SLC35F1: variants seen among roughly 807,000 people sequenced by gnomAD.
The protein encoded by SLC35F1 is chromosome 6 open reading frame 169.
SLC35F1 carries 14 observed loss-of-function variants against 48.7 expected under a neutral mutation model. The observed-to-expected ratio is 0.29, with a 90% CI of 0.19 to 0.45. The LOEUF (loss-of-function observed/expected upper bound fraction) is 0.45. SLC35F1 is among the 20% of genes least tolerant of loss of function. The pLI is 1.00. For missense variants in SLC35F1, 404 were observed against 500.0 expected (o/e 0.81, Z 1.83); for synonymous variants, 190 against 202.2 (o/e 0.94, Z 0.51).
intron 1 of SLC35F1, among the ~76,000 whole-genome samples, chr6:118,032,608 C>T (rs1772070336): frequency 6.6e-6 from 1 of 152,136 alleles, no homozygotes; most frequent in African/African-American, 2.4e-5. Context: ...TATGCTGTTT[C>T]TCTTCCAACT....
At chr6:117,995,518 G>A (rs986146474) in intron 1 of SLC35F1, among the ~76,000 whole-genome samples, 27 of 152,062 alleles carry the variant, frequency 1.8e-4, no homozygotes, top group African/African-American at 5.3e-4. Flanking sequence ...CGAGGCGGGC[G>A]GATCATGAGG....
At chr6:118,278,926 A>G (rs1178626087) in intron 6 of SLC35F1, among the ~76,000 whole-genome samples, 1 of 152,244 alleles carries the variant, frequency 6.6e-6, no homozygotes, top group East Asian at 1.9e-4. Context: ...ATTCAGTGTT[A>G]GTTAAATGAG....
chr6:117,935,340 A>G (rs1413518582), intron 1 of SLC35F1, among the ~76,000 whole-genome samples: 1 of 152,214 alleles, frequency 6.6e-6, no homozygotes, highest in African/African-American at 2.4e-5. Flanking sequence ...TAAGTAAGCA[A>G]ATACTGAATT....
intron 2 of SLC35F1, among the ~76,000 whole-genome samples, chr6:118,156,475 G>C (rs1221155012): frequency 2.0e-5 from 3 of 152,022 alleles, no homozygotes; most frequent in Non-Finnish European, 2.9e-5. Context: ...ATTGAACAAT[G>C]AGATCACTTG....
At chr6:118,220,048 T>C (rs1775126608) in intron 2 of SLC35F1, among the ~76,000 whole-genome samples, 1 of 151,944 alleles carries the variant, frequency 6.6e-6, no homozygotes, top group Non-Finnish European at 1.5e-5. Flanking sequence ...GGGATAGCAA[T>C]AGGAGATATA....
At chr6:118,288,506 A>G (rs1381121463) in intron 7 of SLC35F1, among the ~76,000 whole-genome samples, 1 of 152,220 alleles carries the variant, frequency 6.6e-6, no homozygotes, top group Non-Finnish European at 1.5e-5. Flanking sequence ...TGAAAGAGTT[A>G]TTATCAATAG....
chr6:118,065,025 G>A (rs4492221), intron 1 of SLC35F1, among the ~76,000 whole-genome samples: 46,236 of 152,010 alleles, frequency 0.3, 7,526 homozygotes, highest in East Asian at 0.47. Flanking sequence ...ATAGATACCT[G>A]AATTAATTGG....
chr6:117,972,088 CT>C (rs776098438), intron 1 of SLC35F1, among the ~76,000 whole-genome samples: 2 of 152,184 alleles, frequency 1.3e-5, no homozygotes, highest in African/African-American at 2.4e-5. Flanking sequence ...GAATACTTTG[CT>C]GCTTAGAAAT....
intron 1 of SLC35F1, among the ~76,000 whole-genome samples, chr6:117,982,652 C>G (rs780403225): frequency 1.3e-5 from 2 of 152,148 alleles, no homozygotes; most frequent in Non-Finnish European, 2.9e-5. Context: ...AGACTCCACT[C>G]TGCTTGGAAA....
At chr6:118,200,330 G>A (rs1386175123) in intron 2 of SLC35F1, among the ~76,000 whole-genome samples, 1 of 152,088 alleles carries the variant, frequency 6.6e-6, no homozygotes, top group East Asian at 1.9e-4. Flanking sequence ...TGGACAACTG[G>A]GGATTTACAG....
intron 1 of SLC35F1, among the ~76,000 whole-genome samples, chr6:118,100,526 T>C (rs1773241598): frequency 6.6e-6 from 1 of 152,152 alleles, no homozygotes; most frequent in Non-Finnish European, 1.5e-5. Context: ...AGTTTTATTA[T>C]AGCAAAAGTA....
rs1185174000 is a variant in SLC35F1, at chr6:118,233,779, T to A, written c.350-1730T>A. Among the ~76,000 whole-genome samples, 3 of 152,182 alleles carry A rather than the reference T, an allele frequency of 2.0e-5. No individual in the cohort carries two copies. In the East Asian group the frequency reaches 5.8e-4, roughly 29 times the overall value. On this transcript the variant is annotated intron_variant, in intron 2 of 7. Transcript: ENST00000360388. ...GCCAAAAGACCAGAGAAGGGCTACA[T>A]TTTGAAAAATGAATAGGAGTTTGCA... is the stretch of plus-strand genomic sequence containing the variant.
chr6:118,081,976 C>T (rs990867975), intron 1 of SLC35F1, among the ~76,000 whole-genome samples: 7 of 152,170 alleles, frequency 4.6e-5, no homozygotes, highest in South Asian at 4.1e-4. Context: ...TGAAAATTTC[C>T]GTTAATCTGT....
chr6:118,287,798 G>C (rs987337284), intron 7 of SLC35F1, among the ~76,000 whole-genome samples: 1 of 152,138 alleles, frequency 6.6e-6, no homozygotes, highest in African/African-American at 2.4e-5. Context: ...AAATGAGAGG[G>C]CTGATACGCT....
At chr6:117,924,445 C>T (rs1775994003) in intron 1 of SLC35F1, among the ~76,000 whole-genome samples, 1 of 150,982 alleles carries the variant, frequency 6.6e-6, no homozygotes, top group Non-Finnish European at 1.5e-5. Flanking sequence ...CACATATATA[C>T]ACATACCTAT....
intron 7 of SLC35F1, among the ~76,000 whole-genome samples, chr6:118,296,606 C>T (rs1776187580): frequency 6.6e-6 from 1 of 152,174 alleles, no homozygotes; most frequent in African/African-American, 2.4e-5. Flanking sequence ...TAGCCAGAAG[C>T]CAAAGTTCCT....
intron 1 of SLC35F1, among the ~76,000 whole-genome samples, chr6:118,050,174 T>A (rs372802279): frequency 1.7e-4 from 26 of 151,470 alleles, no homozygotes; most frequent in East Asian, 1.2e-3. Context: ...ATGAGAACAC[T>A]TGGACACAGG....
chr6:118,108,856 C>A (rs1037956803), intron 1 of SLC35F1, among the ~76,000 whole-genome samples: 1 of 152,048 alleles, frequency 6.6e-6, no homozygotes, highest in Non-Finnish European at 1.5e-5. Context: ...TATTTTCTCA[C>A]ACTGGGAAAA....
chr6:117,928,482 A>T (rs144543208), intron 1 of SLC35F1, among the ~76,000 whole-genome samples: 1 of 152,258 alleles, frequency 6.6e-6, no homozygotes, highest in African/African-American at 2.4e-5. Flanking sequence ...TGGTGAAAAC[A>T]ACGTAACTTA....
Sources: gnomAD v4.1 joint callset for allele counts (sites outside exome capture counted in the v4.1 genomes callset) on GRCh38, gnomAD v4.1.1 for gene constraint, MANE v1.5 for transcripts, NCBI Gene and HGNC (gene_info 2026-07-23, HGNC 2026-07-21) for gene names.